GRIN2B: variants seen among roughly 807,000 people sequenced by gnomAD.
GRIN2B encodes glutamate ionotropic receptor NMDA type subunit 2B.
A neutral mutation model predicts 114.5 loss-of-function variants in GRIN2B; 5 were observed. That is an observed-to-expected ratio of 0.04 (90% CI 0.02 to 0.09). The LOEUF (loss-of-function observed/expected upper bound fraction) is 0.09. Ranked by LOEUF, GRIN2B falls within the 10% of genes least tolerant of loss-of-function variation. GRIN2B has a pLI of 1.00. For missense variants in GRIN2B, 1,108 were observed against 1,943.5 expected (o/e 0.57, Z 8.08); for synonymous variants, 787 against 745.1 (o/e 1.06, Z -0.92).
At chr12:13,694,895 G>C (rs966925180) in intron 4 of GRIN2B, among the ~76,000 whole-genome samples, 2 of 151,574 alleles carry the variant, frequency 1.3e-5, no homozygotes, top group African/African-American at 4.9e-5. Flanking sequence ...TGAAGTAAAG[G>C]ATTACAAAGT....
intron 2 of GRIN2B, among the ~76,000 whole-genome samples, chr12:13,882,798 C>T (rs936692225): frequency 5.3e-5 from 8 of 152,250 alleles, no homozygotes; most frequent in Admixed American, 1.3e-4. Context: ...TTAAAATTCA[C>T]GCTTTTAAGT....
chr12:13,776,885 C>G (rs940033641), intron 3 of GRIN2B, among the ~76,000 whole-genome samples: 5 of 152,108 alleles, frequency 3.3e-5, no homozygotes, highest in Admixed American at 6.5e-5. Context: ...ATTTTATAGC[C>G]TTTCATTTCC....
At chr12:13,795,594 A>G (rs1864405210) in intron 3 of GRIN2B, among the ~76,000 whole-genome samples, 1 of 152,256 alleles carries the variant, frequency 6.6e-6, no homozygotes, top group African/African-American at 2.4e-5. Context: ...TATACACCCA[A>G]AGGATTATAA....
chr12:13,944,935 G>A (rs942607124), intron 2 of GRIN2B, among the ~76,000 whole-genome samples: 8 of 152,018 alleles, frequency 5.3e-5, no homozygotes, highest in African/African-American at 1.7e-4. Flanking sequence ...ACATGCTTAC[G>A]GCTTTAATTT....
chr12:13,741,748 C>T (rs76316228), intron 4 of GRIN2B, among the ~76,000 whole-genome samples: 2,220 of 151,984 alleles, frequency 0.015, 61 homozygotes, highest in African/African-American at 0.05. Flanking sequence ...TTTATAAAGA[C>T]GGGGTTTTTG....
rs147233938 is a variant in GRIN2B at position 13,577,074 on chromosome 12, T to G, written c.2011-5110A>C. 5.9e-3 allele frequency among the ~76,000 whole-genome samples: 879 copies of G among 149,534 alleles called. 7 individuals carry two copies. The highest frequency in any genetic ancestry group is 0.011 in the Admixed American group (171 of 15,150). On this transcript the variant is annotated intron_variant, in intron 10 of 13. Coordinates refer to ENST00000609686, the MANE Select transcript of GRIN2B (RefSeq NM_000834.5). The stretch of plus-strand genomic sequence containing the variant: ...GGAGGACAAGCTGAGACTTGACCCC[T>G]GAGTATGGCCTTCCTTTTGCCAGCT...
At position 13,549,230 on chromosome 12, in the gene GRIN2B, ATAAT is replaced by A. The variant is rs1948382278; in HGVS notation, c.*13549_*13552del. Reference sequence around the variant, plus strand: ...TCTCTGATCTGCGGGTGCTTAATAAATAATTCACCATTGCAACCTTGTGACAAAA... The same window carrying A: ...TCTCTGATCTGCGGGTGCTTAATAAATCACCATTGCAACCTTGTGACAAAA... On this transcript the variant is annotated 3_prime_UTR_variant, in exon 14 of 14. Transcript: ENST00000609686. 1 of 152,170 alleles carries A rather than the reference ATAAT, an allele frequency of 6.6e-6. No homozygotes were observed. Among genetic ancestry groups the A allele is most frequent in the African/African-American group, 2.4e-5 (1 of 41,442 alleles). The allele number at this position is 152,170 out of a possible 1,614,324, so 9.4% of individuals were successfully genotyped here.
At chr12:13,926,477 C>A (rs957186260) in intron 2 of GRIN2B, among the ~76,000 whole-genome samples, 2 of 152,180 alleles carry the variant, frequency 1.3e-5, no homozygotes, top group African/African-American at 4.8e-5. Context: ...AGCATGTGCT[C>A]AGAGACCACC....
At chr12:13,620,787 T>G (rs1949502886) in intron 5 of GRIN2B, among the ~76,000 whole-genome samples, 1 of 151,916 alleles carries the variant, frequency 6.6e-6, no homozygotes. Flanking sequence ...GATGAAGAGG[T>G]GCTTTTAGAG....
chr12:13,690,122 C>T lies in GRIN2B; in HGVS notation c.1011-14263G>A, dbSNP rs915630091. On this transcript the variant is annotated intron_variant, in intron 4 of 13. Coordinates refer to ENST00000609686, the MANE Select transcript of GRIN2B (RefSeq NM_000834.5). The stretch of plus-strand genomic sequence containing the variant: ...CTATTTAAAGGTAAAAATCAAATCT[C>T]GTCCTTCTGTTATCCTTTGCAGAAC... Among the ~76,000 whole-genome samples the T allele has an allele frequency of 4.6e-5, 7 of 152,108 alleles. No individual in the cohort carries two copies. The East Asian group carries it at 5.8e-4, about 13-fold the overall frequency.
intron 4 of GRIN2B, among the ~76,000 whole-genome samples, chr12:13,745,577 G>T (rs1170783651): frequency 1.3e-5 from 2 of 152,218 alleles, no homozygotes; most frequent in African/African-American, 2.4e-5. Flanking sequence ...TGCCTGCCCA[G>T]CCTCCAACAG....
chr12:13,719,412 G>C (rs1950488333), intron 4 of GRIN2B, among the ~76,000 whole-genome samples: 1 of 99,946 alleles, frequency 1.0e-5, no homozygotes, highest in African/African-American at 3.7e-5. Flanking sequence ...TCTAAAGTAG[G>C]ATCACTTAAA....
At chr12:13,927,658 A>G (rs1292646292) in intron 2 of GRIN2B, among the ~76,000 whole-genome samples, 1 of 152,062 alleles carries the variant, frequency 6.6e-6, no homozygotes, top group Non-Finnish European at 1.5e-5. Flanking sequence ...TATATTAGCT[A>G]ACAGAGAGGG....
intron 3 of GRIN2B, among the ~76,000 whole-genome samples, chr12:13,819,221 C>G (rs1864886508): frequency 6.6e-6 from 1 of 152,130 alleles, no homozygotes; most frequent in Non-Finnish European, 1.5e-5. Context: ...CATCTACAAG[C>G]CAAGGAGAGG....
At chr12:13,829,094 G>A (rs1241699977) in intron 3 of GRIN2B, among the ~76,000 whole-genome samples, 1 of 152,000 alleles carries the variant, frequency 6.6e-6, no homozygotes, top group African/African-American at 2.4e-5. Flanking sequence ...ATCACATAGG[G>A]GGCATCCTCT....
rs570235319 is a variant in GRIN2B at position 13,729,882 on chromosome 12, T to A, written c.1010+23435A>T. On this transcript the variant is annotated intron_variant, in intron 4 of 13. Coordinates refer to ENST00000609686, the MANE Select transcript of GRIN2B (RefSeq NM_000834.5). ...ACATGGCATGCAGTGGGAACACTGT[T>A]GGAAACATAAGAACCGCCCCCAGAA... Among the ~76,000 whole-genome samples the A allele has an allele frequency of 4.6e-5, 7 of 151,602 alleles. No homozygotes were observed. The South Asian group carries it at 1.3e-3, about 27-fold the overall frequency.
rs1017094638 is a variant in GRIN2B, at chr12:13,593,327, G to C, written c.2010+15276C>G. The stretch of plus-strand genomic sequence containing the variant: ...AGCCTACAGTAACAAAAACAGCATG[G>C]TACTGGTACCAAAACAGATATATAG... On this transcript the variant is annotated intron_variant, in intron 10 of 13. Coordinates refer to ENST00000609686, the MANE Select transcript of GRIN2B (RefSeq NM_000834.5). Among the ~76,000 whole-genome samples the C allele has an allele frequency of 2.6e-5, 4 of 152,224 alleles. No individual in the cohort carries two copies. In the South Asian group the frequency reaches 6.2e-4, roughly 24 times the overall value.
At chr12:13,699,613 G>A (rs1458261155) in intron 4 of GRIN2B, among the ~76,000 whole-genome samples, 3 of 151,324 alleles carry the variant, frequency 2.0e-5, no homozygotes, top group Non-Finnish European at 4.4e-5. Context: ...TTTTTAGATG[G>A]AGTCTTGCTC....
intron 10 of GRIN2B, among the ~76,000 whole-genome samples, chr12:13,593,696 TAAAGAGCTTCTGCACAGC>T (rs1949037565): frequency 6.6e-6 from 1 of 152,160 alleles, no homozygotes; most frequent in Non-Finnish European, 1.5e-5. Context: ...CTGATTAAAC[TAAAGAGCTTCTGCACAGC>T]AAAATAAACT....
Sources: allele counts gnomAD v4.1 joint callset (sites outside exome capture counted in the v4.1 genomes callset), GRCh38; gene constraint gnomAD v4.1.1; transcripts MANE v1.5; gene names NCBI Gene and HGNC (gene_info 2026-07-23, HGNC 2026-07-21).